ATP11A: variants seen among roughly 807,000 people sequenced by gnomAD.
ATP11A encodes ATPase phospholipid transporting 11A.
In ATP11A, 81 loss-of-function variants were observed where a neutral mutation model predicts 154.4. The observed-to-expected ratio is 0.52, with a 90% CI of 0.44 to 0.63. ATP11A has a LOEUF of 0.63. ATP11A is among the 30% of genes least tolerant of loss of function. The pLI is 0.00. For missense variants in ATP11A, 1,316 were observed against 1,474.3 expected, an observed-to-expected ratio of 0.89 and a Z score of 1.76; for synonymous variants, 623 against 585.9, an observed-to-expected ratio of 1.06 and a Z score of -0.91.
In ATP11A at chr13:112,816,172, C is replaced by A; in HGVS notation, c.531C>A (p.His177Gln). The A allele has an allele frequency of 6.2e-7, 1 of 1,614,174 alleles. No individual in the cohort carries two copies. The highest frequency in any genetic ancestry group is 8.5e-7 in the Non-Finnish European group (1 of 1,180,040). The change falls in exon 6 of 30, where the codon CAC (histidine) becomes CAA (glutamine). Residue 177 changes from histidine (H) to glutamine (Q), a missense_variant. Physicochemically the swap from His to Gln is conservative, Grantham distance 24. Transcript: ENST00000375645. The stretch of plus-strand genomic sequence containing the variant: ...GCAACCGGGGAGATGGGACGTGCCA[C>A]GTCACCACCGCCAGCTTGGATGGAG... ...LSSNRGDGTC[H>Q]VTTASLDGES...
intron 2 of ATP11A, among the ~76,000 whole-genome samples, chr13:112,799,169 T>C (rs953601583): frequency 3.3e-5 from 5 of 152,164 alleles, no homozygotes; most frequent in African/African-American, 1.2e-4. Flanking sequence ...CAAAAACGGA[T>C]AGAACTGGAA....
At chr13:112,846,550 T>A (rs1232250325) in intron 17 of ATP11A, among the ~76,000 whole-genome samples, 1 of 152,212 alleles carries the variant, frequency 6.6e-6, no homozygotes, top group Non-Finnish European at 1.5e-5. Context: ...TCCTCCTCGC[T>A]AACGGATGGG....
rs557849399 is a variant in ATP11A at position 112,749,405 on chromosome 13, A to G, written c.40-35730A>G. ...TTTCACTATTGAATGACTTTCCTGA[A>G]TTAACTACATTCTCAAAAATATTCC... On this transcript the variant is annotated intron_variant, in intron 1 of 29. Transcript: ENST00000375645. 2.0e-5 allele frequency among the ~76,000 whole-genome samples: 3 copies of G among 152,356 alleles called. No individual in the cohort carries two copies. The East Asian group carries it at 5.8e-4, about 29-fold the overall frequency.
At chr13:112,819,061 C>T (rs2277431) in intron 6 of ATP11A, among the ~76,000 whole-genome samples, 9,815 of 152,306 alleles carry the variant, frequency 0.064, 455 homozygotes, top group Middle Eastern at 0.14. Context: ...TTGAAGAATT[C>T]GAGCATTGCT....
At position 112,757,998 on chromosome 13, in the gene ATP11A, C is replaced by A. The variant is rs141099428; in HGVS notation, c.40-27137C>A. Among the ~76,000 whole-genome samples the A allele has an allele frequency of 2.4e-4, 37 of 152,360 alleles. No homozygotes were observed. In the East Asian group the frequency reaches 6.2e-3, roughly 25 times the overall value. On this transcript the variant is annotated intron_variant, in intron 1 of 29. Coordinates refer to ENST00000375645, the MANE Select transcript of ATP11A (RefSeq NM_015205.3). ...TTCCAGGGAGTCCACGCCACATGCA[C>A]GAGTGCGGGACACATGCTACTCAGG...
In ATP11A at chr13:112,792,199, G is replaced by C. The variant is rs116901775; in HGVS notation, c.162+6942G>C. ...TCAGGAAGGAAAGGCCCTCAGAAAG[G>C]CTGGAGTCTGGAATCTAGGCAGGTA... is the stretch of plus-strand genomic sequence containing the variant. On this transcript the variant is annotated intron_variant, in intron 2 of 29. Coordinates refer to ENST00000375645, the MANE Select transcript of ATP11A (RefSeq NM_015205.3). Among the ~76,000 whole-genome samples, 1,372 of 152,306 alleles carry C rather than the reference G, an allele frequency of 9.0e-3. 3 individuals carry two copies. The highest frequency in any genetic ancestry group is 0.017 in the Middle Eastern group (5 of 294).
intron 1 of ATP11A, among the ~76,000 whole-genome samples, chr13:112,709,167 T>G (rs74115446): frequency 3.3e-5 from 5 of 152,104 alleles, no homozygotes; most frequent in African/African-American, 4.8e-5. Context: ...GATTTTTTTT[T>G]AAATTTACCC....
intron 16 of ATP11A, among the ~76,000 whole-genome samples, chr13:112,837,979 A>G (rs1381768454): frequency 2.0e-5 from 3 of 151,870 alleles, no homozygotes; most frequent in Non-Finnish European, 4.4e-5. Flanking sequence ...ACACAGTCCC[A>G]CTGTGTCACA....
At chr13:112,861,746 G>A (rs1363539036) in intron 24 of ATP11A, among the ~76,000 whole-genome samples, 1 of 152,218 alleles carries the variant, frequency 6.6e-6, no homozygotes, top group African/African-American at 2.4e-5. Context: ...TTCTGAGTTG[G>A]TTGTACATCT....
At chr13:112,820,885 A>C (rs553373991) in intron 8 of ATP11A, among the ~76,000 whole-genome samples, 2 of 152,172 alleles carry the variant, frequency 1.3e-5, no homozygotes, top group Non-Finnish European at 1.5e-5. Context: ...TCACTGGGAA[A>C]CTACTGCAAA....
chr13:112,856,292 G>C (rs1277976918), intron 20 of ATP11A: 3 of 470,360 alleles, frequency 6.4e-6, no homozygotes, highest in African/African-American at 2.0e-5. Flanking sequence ...TGACCAGTCA[G>C]ATGTATGACC....
intron 1 of ATP11A, among the ~76,000 whole-genome samples, chr13:112,743,381 G>A (rs1171387865): frequency 7.1e-6 from 1 of 141,702 alleles, no homozygotes; most frequent in South Asian, 2.1e-4. Flanking sequence ...TAGCACTGAC[G>A]GCATAGGCAG....
chr13:112,825,891 G>C (rs1368473728), intron 11 of ATP11A, among the ~76,000 whole-genome samples: 1 of 152,166 alleles, frequency 6.6e-6, no homozygotes, highest in East Asian at 1.9e-4. Flanking sequence ...TGAGATAAAT[G>C]GCACATATTT....
rs1566564874 is a variant in ATP11A at position 112,845,781 on chromosome 13, A to ACCACT, written c.1809+3405_1809+3406insCTCCA. ...CCAGTTGCCGGCACTAGCGGTACTA[A>ACCACT]CCAGTCCAGTTTCCAGGCACTAGTG... On this transcript the variant is annotated intron_variant, in intron 17 of 29. Coordinates refer to ENST00000375645, the MANE Select transcript of ATP11A (RefSeq NM_015205.3). 4.1e-4 allele frequency among the ~76,000 whole-genome samples: 38 copies of ACCACT among 92,166 alleles called. 5 individuals carry two copies. Among genetic ancestry groups the ACCACT allele is most frequent in the Admixed American group, 6.9e-4 (6 of 8,738 alleles). 60.5% of individuals were successfully genotyped at this position (92,166 alleles called of 152,430 possible).
In ATP11A at chr13:112,732,166, C is replaced by G. The variant is rs117940214; in HGVS notation, c.39+41711C>G. The stretch of plus-strand genomic sequence containing the variant: ...CCAAGCAGCTCCTCCATTCAGGGCC[C>G]GTGACGGTCTGGAGTCGGAGGAGCC... On this transcript the variant is annotated intron_variant, in intron 1 of 29. Coordinates refer to ENST00000375645, the MANE Select transcript of ATP11A (RefSeq NM_015205.3). Among the ~76,000 whole-genome samples the G allele has an allele frequency of 5.8e-4, 89 of 152,258 alleles. No individual in the cohort carries two copies. In the East Asian group the frequency reaches 0.017, roughly 29 times the overall value.
intron 17 of ATP11A, among the ~76,000 whole-genome samples, chr13:112,846,237 A>AT (rs1303759042): frequency 3.3e-5 from 5 of 151,888 alleles, no homozygotes; most frequent in African/African-American, 1.2e-4. Context: ...TTCTACAGAT[A>AT]TTTTTCTTCC....
chr13:112,845,906 C>T (rs76700035), intron 17 of ATP11A, among the ~76,000 whole-genome samples: 1 of 152,306 alleles, frequency 6.6e-6, no homozygotes, highest in Non-Finnish European at 1.5e-5. Flanking sequence ...AGTGCTAGTT[C>T]TTTCTACGGA....
Position 112,805,057 on chromosome 13 carries a change from T to C in ATP11A, c.252+11T>C. 2 of 1,581,612 alleles carry C rather than the reference T, an allele frequency of 1.3e-6. No individual in the cohort carries two copies. The highest frequency in any genetic ancestry group is 1.7e-6 in the Non-Finnish European group (2 of 1,158,530). Reference sequence around the variant, plus strand: ...ATATTTCTGGTGCAGGTAAGGCCGGTCATTGTTTTCCATCTCATCACATAT... The same window carrying C: ...ATATTTCTGGTGCAGGTAAGGCCGGCCATTGTTTTCCATCTCATCACATAT... On this transcript the variant is annotated intron_variant, in intron 3 of 29. Coordinates refer to ENST00000375645, the MANE Select transcript of ATP11A (RefSeq NM_015205.3).
chr13:112,876,800 G>A (rs934701072), intron 28 of ATP11A, among the ~76,000 whole-genome samples: 4 of 152,172 alleles, frequency 2.6e-5, no homozygotes, highest in Non-Finnish European at 4.4e-5. Flanking sequence ...CGGGGCCCCA[G>A]CCCTGACTCA....
Sources: allele counts gnomAD v4.1 joint callset (sites outside exome capture counted in the v4.1 genomes callset), GRCh38; gene constraint gnomAD v4.1.1; transcripts MANE v1.5; gene names NCBI Gene and HGNC (gene_info 2026-07-23, HGNC 2026-07-21).